Variants in KCNIP4 observed in about 807,000 individuals in gnomAD.
KCNIP4 encodes the protein Kv channel-interacting protein 4.
A neutral mutation model predicts 34.0 loss-of-function variants in KCNIP4; 12 were observed. The observed-to-expected ratio is 0.35, with a 90% CI of 0.23 to 0.57. The LOEUF is 0.57. Ranked by LOEUF, KCNIP4 falls within the 20% of genes least tolerant of loss-of-function variation. KCNIP4 has a pLI of 0.83. For missense variants in KCNIP4, 238 were observed against 311.7 expected, an observed-to-expected ratio of 0.76 and a Z score of 1.78; for synonymous variants, 124 against 102.2, an observed-to-expected ratio of 1.21 and a Z score of -1.29.
chr4:21,334,016 C>A (rs943108409), intron 1 of KCNIP4, among the ~76,000 whole-genome samples: 1 of 152,080 alleles, frequency 6.6e-6, no homozygotes, highest in African/African-American at 2.4e-5. Context: ...GTTCTTCATC[C>A]AAGTGCCTAC....
At chr4:20,894,680 TCAA>T in intron 1 of KCNIP4, among the ~76,000 whole-genome samples, 1 of 152,326 alleles carries the variant, frequency 6.6e-6, no homozygotes. Flanking sequence ...AATGTTTTAT[TCAA>T]CAACATTAAT....
intron 1 of KCNIP4, among the ~76,000 whole-genome samples, chr4:21,009,268 C>T (rs1738852643): frequency 6.6e-6 from 1 of 152,162 alleles, no homozygotes; most frequent in South Asian, 2.1e-4. Flanking sequence ...ATACTCAATA[C>T]ATACTTATCC....
chr4:21,721,210 TGACA>T (rs1224861421), intron 1 of KCNIP4, among the ~76,000 whole-genome samples: 2 of 152,178 alleles, frequency 1.3e-5, no homozygotes, highest in African/African-American at 2.4e-5. Flanking sequence ...AGAGATTCAG[TGACA>T]GATCACCTGG....
chr4:21,900,942 C>T (rs1727672024), intron 1 of KCNIP4, among the ~76,000 whole-genome samples: 1 of 152,196 alleles, frequency 6.6e-6, no homozygotes, highest in African/African-American at 2.4e-5. Flanking sequence ...CAGGCTACTT[C>T]TGCTCTTCTG....
chr4:21,822,126 G>T, intron 1 of KCNIP4, among the ~76,000 whole-genome samples: 1 of 152,112 alleles, frequency 6.6e-6, no homozygotes, highest in East Asian at 1.9e-4. Context: ...ATTTCTACCT[G>T]GCATCCTAGC....
At chr4:21,657,251 T>G (rs958070578) in intron 1 of KCNIP4, among the ~76,000 whole-genome samples, 4 of 152,224 alleles carry the variant, frequency 2.6e-5, no homozygotes, top group Non-Finnish European at 5.9e-5. Context: ...CGTTATTTTA[T>G]TTATTAAAGA....
At chr4:20,743,440 G>A (rs1343595597) in intron 5 of KCNIP4, among the ~76,000 whole-genome samples, 1 of 152,118 alleles carries the variant, frequency 6.6e-6, no homozygotes, top group East Asian at 1.9e-4. Context: ...CAATGGAACA[G>A]AACAGAGCCC....
chr4:21,825,018 C>T (rs754999974), intron 1 of KCNIP4, among the ~76,000 whole-genome samples: 1 of 151,872 alleles, frequency 6.6e-6, no homozygotes, highest in Non-Finnish European at 1.5e-5. Flanking sequence ...AATGATAGAC[C>T]ACTTTCACAA....
intron 1 of KCNIP4, among the ~76,000 whole-genome samples, chr4:21,440,225 G>T (rs1027144146): frequency 6.6e-6 from 1 of 152,098 alleles, no homozygotes; most frequent in Non-Finnish European, 1.5e-5. Context: ...TAATCCATTT[G>T]GACTATACAT....
chr4:20,737,543 T>A (rs1578440912), intron 5 of KCNIP4, among the ~76,000 whole-genome samples: 1 of 151,926 alleles, frequency 6.6e-6, no homozygotes, highest in Admixed American at 6.6e-5. Context: ...CAGAAGAACA[T>A]GGTGTGGATG....
chr4:21,233,565 A>G (rs959335848), intron 1 of KCNIP4, among the ~76,000 whole-genome samples: 2 of 152,050 alleles, frequency 1.3e-5, no homozygotes, highest in East Asian at 1.9e-4. Flanking sequence ...AGGTGGTTAA[A>G]AAACCAAAGA....
chr4:21,233,920 T>G (rs1452682879), intron 1 of KCNIP4, among the ~76,000 whole-genome samples: 1 of 133,288 alleles, frequency 7.5e-6, no homozygotes, highest in Non-Finnish European at 1.6e-5. Context: ...TATTATATAT[T>G]ATGTAATTAT....
intron 1 of KCNIP4, among the ~76,000 whole-genome samples, chr4:21,408,095 T>C (rs1235182355): frequency 3.3e-5 from 5 of 152,196 alleles, no homozygotes; most frequent in Admixed American, 2.6e-4. Context: ...CCGGTAGACA[T>C]TGAAGACTTC....
chr4:21,780,862 C>A (rs1719532344), intron 1 of KCNIP4, among the ~76,000 whole-genome samples: 1 of 152,128 alleles, frequency 6.6e-6, no homozygotes, highest in Non-Finnish European at 1.5e-5. Context: ...AGGGGAGAAT[C>A]CTTCCTTTCC....
chr4:21,028,037 C>G (rs1458746460), intron 1 of KCNIP4, among the ~76,000 whole-genome samples: 1 of 152,182 alleles, frequency 6.6e-6, no homozygotes, highest in Non-Finnish European at 1.5e-5. Context: ...CAGATCTACT[C>G]ACAGTTTTCC....
chr4:21,944,467 G>T (rs1730382573), intron 1 of KCNIP4, among the ~76,000 whole-genome samples: 1 of 145,150 alleles, frequency 6.9e-6, no homozygotes, highest in South Asian at 2.2e-4. Flanking sequence ...TGAGGCAGGA[G>T]AAATGCTTGA....
At chr4:21,046,220 A>G (rs1372180607) in intron 1 of KCNIP4, among the ~76,000 whole-genome samples, 1 of 152,240 alleles carries the variant, frequency 6.6e-6, no homozygotes, top group East Asian at 1.9e-4. Flanking sequence ...TTTGGGCCAA[A>G]GAATGAGGAA....
rs5856652 is a variant in KCNIP4 at position 21,629,849 on chromosome 4, C to CTTTTTTTTTTTTTTTTTTTTT, written c.61+318721_61+318722insAAAAAAAAAAAAAAAAAAAAA. On this transcript the variant is annotated intron_variant, in intron 1 of 8. Coordinates refer to ENST00000382152, the MANE Select transcript of KCNIP4 (RefSeq NM_025221.6). ...ACCATATTTCCTTTTCTTTTTCTTTCTTTTTTTTTTTTTTTTTTTGAGACA... is the reference window on the plus strand; with the variant it reads ...ACCATATTTCCTTTTCTTTTTCTTTCTTTTTTTTTTTTTTTTTTTTTTTTTTTTTTTTTTTTTTTTGAGACA... Among the ~76,000 whole-genome samples, 138 of 87,770 alleles carry CTTTTTTTTTTTTTTTTTTTTT rather than the reference C, an allele frequency of 1.6e-3. 7 individuals are homozygous for CTTTTTTTTTTTTTTTTTTTTT. The highest frequency in any genetic ancestry group is 2.2e-3 in the African/African-American group (46 of 20,938). The allele number at this position is 87,770 out of a possible 152,430, so 57.6% of individuals were successfully genotyped here. A position where few individuals can be genotyped will look rare whatever the true frequency, so the allele number is the denominator to read the frequency against.
intron 1 of KCNIP4, among the ~76,000 whole-genome samples, chr4:21,732,010 A>C (rs1715636187): frequency 6.6e-6 from 1 of 150,996 alleles, no homozygotes; most frequent in Non-Finnish European, 1.5e-5. Context: ...AACACACATA[A>C]ATTACATATA....
Sources: allele counts gnomAD v4.1 joint callset (sites outside exome capture counted in the v4.1 genomes callset), GRCh38; gene constraint gnomAD v4.1.1; transcripts MANE v1.5; gene names NCBI Gene and HGNC (gene_info 2026-07-23, HGNC 2026-07-21).